The following SNX29 variants were observed in gnomAD, a reference collection of about 807,000 sequenced individuals.
SNX29 encodes sorting nexin-29.
Under a neutral mutation model 102.1 loss-of-function variants are expected in SNX29, and 78 were observed. The observed-to-expected ratio is 0.76, with a 90% confidence interval of 0.64 to 0.92. The LOEUF (loss-of-function observed/expected upper bound fraction) is 0.92, where lower values mean the gene tolerates loss of function less well. Ranked by LOEUF, SNX29 falls within the 40% of genes least tolerant of loss-of-function variation. The pLI is 0.00. For synonymous variants in SNX29, 580 were observed against 414.5 expected (o/e 1.40, Z -4.85); for missense variants, 1,280 against 1,061.7 (o/e 1.21, Z -2.86).
In SNX29 at chr16:12,242,714, C is replaced by T. The variant is rs566908458; in HGVS notation, c.1679-35219C>T. Among the ~76,000 whole-genome samples, 27 of 151,068 alleles carry T rather than the reference C, an allele frequency of 1.8e-4. No individual in the cohort carries two copies. The South Asian group carries it at 3.1e-3, about 18-fold the overall frequency. ...TGTCACCCAGGCTGGAGTACAATGACGCAATCACAGCTCACTGCAGCCTCA... is the reference window on the plus strand; with the variant it reads ...TGTCACCCAGGCTGGAGTACAATGATGCAATCACAGCTCACTGCAGCCTCA... On this transcript the variant is annotated intron_variant, in intron 14 of 20. Coordinates refer to ENST00000566228, the MANE Select transcript of SNX29 (RefSeq NM_032167.5).
At chr16:12,553,588 T>TCCCCACC (rs769524592) in intron 20 of SNX29, among the ~76,000 whole-genome samples, 3,351 of 131,064 alleles carry the variant, frequency 0.026, 261 homozygotes, top group East Asian at 0.17. Context: ...GATGCTTTGT[T>TCCCCACC]CCCCACCCCC....
intron 20 of SNX29, among the ~76,000 whole-genome samples, chr16:12,541,464 G>A (rs2077336952): frequency 6.6e-6 from 1 of 152,170 alleles, no homozygotes; most frequent in Admixed American, 6.5e-5. Flanking sequence ...CTTAGTGCTT[G>A]ATGGAGCCAG....
At chr16:12,215,263 G>A (rs376144858) in intron 14 of SNX29, among the ~76,000 whole-genome samples, 1 of 151,556 alleles carries the variant, frequency 6.6e-6, no homozygotes, top group Non-Finnish European at 1.5e-5. Context: ...GAGAGGCTGA[G>A]GTAGGAGGAG....
chr16:12,420,140 A>G (rs1282774784), intron 18 of SNX29, among the ~76,000 whole-genome samples: 1 of 152,250 alleles, frequency 6.6e-6, no homozygotes, highest in Admixed American at 6.5e-5. Flanking sequence ...AGCAGCAGCC[A>G]CATCCACTCC....
intron 2 of SNX29, among the ~76,000 whole-genome samples, chr16:11,999,903 T>TA (rs369495382): frequency 0.022 from 3,078 of 142,874 alleles, 34 homozygotes; most frequent in African/African-American, 0.043. Flanking sequence ...TTTGTGTCAT[T>TA]AAAAAAAAAA....
chr16:12,191,598 T>C (rs2076644177), intron 13 of SNX29, among the ~76,000 whole-genome samples: 1 of 152,226 alleles, frequency 6.6e-6, no homozygotes, highest in Non-Finnish European at 1.5e-5. Flanking sequence ...TAAGAATGCA[T>C]GTTGGGCTCA....
At position 12,276,878 on chromosome 16, in the gene SNX29, C is replaced by T. The variant is rs555534430; in HGVS notation, c.1679-1055C>T. 6.6e-5 allele frequency among the ~76,000 whole-genome samples: 10 copies of T among 152,276 alleles called. No individual in the cohort carries two copies. In the East Asian group the frequency reaches 1.5e-3, roughly 24 times the overall value. ...TGCATGCTTGCTCTGACCTGGGAGCCAGTCTCTTTAACATGTCTTTTGCAT... is the reference window on the plus strand; with the variant it reads ...TGCATGCTTGCTCTGACCTGGGAGCTAGTCTCTTTAACATGTCTTTTGCAT... On this transcript the variant is annotated intron_variant, in intron 14 of 20. Transcript: ENST00000566228.
At chr16:12,562,700 A>G (rs919504225) in intron 20 of SNX29, among the ~76,000 whole-genome samples, 1 of 152,148 alleles carries the variant, frequency 6.6e-6, no homozygotes, top group African/African-American at 2.4e-5. Context: ...TTTGGAGTCG[A>G]GATTGAAGCC....
At chr16:12,008,373 G>A (rs2056529180) in intron 3 of SNX29, among the ~76,000 whole-genome samples, 1 of 152,142 alleles carries the variant, frequency 6.6e-6, no homozygotes, top group African/African-American at 2.4e-5. Context: ...GGGTTCAAGC[G>A]ATTCTCTTGC....
chr16:12,538,568 C>T (rs1022139696), intron 20 of SNX29, among the ~76,000 whole-genome samples: 3 of 152,122 alleles, frequency 2.0e-5, no homozygotes, highest in African/African-American at 7.2e-5. Context: ...CTGGTCTTAG[C>T]TGAGCTGGCT....
intron 20 of SNX29, among the ~76,000 whole-genome samples, chr16:12,555,754 A>G (rs1223450864): frequency 1.3e-5 from 2 of 151,710 alleles, no homozygotes; most frequent in Non-Finnish European, 2.9e-5. Context: ...CCACAACTCC[A>G]ACTAGCCTTC....
At position 12,129,645 on chromosome 16, in the gene SNX29, G is replaced by C; in HGVS notation, c.1482G>C (p.Leu494=). Residue 494 remains leucine (L), a synonymous_variant, in exon 13 of 21, where the codon CTG becomes CTC. Transcript: ENST00000566228. ...CTCTTCCCAGATCACTGCGAAACCT[G>C]CTCGACGGTGAGATGGAGCACTCAG... ...LEEENRSLRN[L]LDGEMEHSAA... 6.2e-7 allele frequency: 1 copy of C among 1,610,764 alleles called. No individual in the cohort carries two copies. The highest frequency in any genetic ancestry group is 8.5e-7 in the Non-Finnish European group (1 of 1,179,276).
At chr16:12,119,057 T>A (rs350207) in intron 11 of SNX29, among the ~76,000 whole-genome samples, 28 of 151,950 alleles carry the variant, frequency 1.8e-4, no homozygotes, top group African/African-American at 6.0e-4. Context: ...GATCCACAGC[T>A]TGATCTCTTG....
At chr16:12,537,745 C>G (rs146694357) in intron 20 of SNX29, among the ~76,000 whole-genome samples, 25 of 152,102 alleles carry the variant, frequency 1.6e-4, no homozygotes, top group Non-Finnish European at 2.9e-4. Context: ...GCACAATGAC[C>G]TCTATCCTAT....
At chr16:12,368,239 A>C (rs1231283808) in intron 16 of SNX29, among the ~76,000 whole-genome samples, 1 of 152,238 alleles carries the variant, frequency 6.6e-6, no homozygotes, top group African/African-American at 2.4e-5. Flanking sequence ...CAAGGCATCC[A>C]GCTGTGGAAC....
intron 14 of SNX29, among the ~76,000 whole-genome samples, chr16:12,208,532 A>G (rs993445790): frequency 5.3e-5 from 8 of 152,134 alleles, no homozygotes; most frequent in African/African-American, 1.7e-4. Flanking sequence ...GCTCACGCCT[A>G]TAACCCCAGC....
chr16:12,568,246 G>C (rs995144604), intron 20 of SNX29, among the ~76,000 whole-genome samples: 1 of 150,674 alleles, frequency 6.6e-6, no homozygotes, highest in Admixed American at 6.6e-5. Context: ...CCGGAACGGT[G>C]GTACCATGAG....
chr16:12,544,484 G>C (rs1011457335), intron 20 of SNX29, among the ~76,000 whole-genome samples: 2 of 152,078 alleles, frequency 1.3e-5, no homozygotes, highest in African/African-American at 4.8e-5. Flanking sequence ...TTTATGATTG[G>C]GGTCGGCTGG....
intron 20 of SNX29, among the ~76,000 whole-genome samples, chr16:12,549,518 C>T (rs780375616): frequency 1.3e-3 from 154 of 114,518 alleles, no homozygotes; most frequent in Non-Finnish European, 1.9e-3. Context: ...TGCCATTTTT[C>T]ATCCTCTATC....
Sources: gnomAD v4.1 joint callset for allele counts (sites outside exome capture counted in the v4.1 genomes callset) on GRCh38, gnomAD v4.1.1 for gene constraint, MANE v1.5 for transcripts, NCBI Gene and HGNC (gene_info 2026-07-23, HGNC 2026-07-21) for gene names.